Variants in FAM107B observed in about 807,000 individuals in gnomAD.
The protein encoded by FAM107B is protein FAM107B.
FAM107B carries 21 observed loss-of-function variants against 31.5 expected under a neutral mutation model. That is an observed-to-expected ratio of 0.67 (90% CI 0.47 to 0.96). FAM107B has a LOEUF of 0.96. Among genes scored for constraint, FAM107B ranks in the 40% least tolerant of loss-of-function variants. The pLI is 0.00. For synonymous variants in FAM107B, 157 were observed against 141.5 expected (o/e 1.11, Z -0.78); for missense variants, 452 against 377.1 (o/e 1.20, Z -1.64).
intron 2 of FAM107B, among the ~76,000 whole-genome samples, chr10:14,564,154 C>T (rs1381764806): frequency 6.6e-6 from 1 of 151,864 alleles, no homozygotes; most frequent in Non-Finnish European, 1.5e-5. Context: ...TTTTTTAAAA[C>T]AGTGTAAAGG....
In FAM107B at chr10:14,543,350, G is replaced by A. The variant is rs542658666; in HGVS notation, c.470-12835C>T. On this transcript the variant is annotated intron_variant, in intron 2 of 4. Transcript: ENST00000181796. Reference sequence around the variant, plus strand: ...TACGTAAATTCTAAAAAACATGACTGGCACAGAAGTGAGCAGCTCTTCATC... The same window carrying A: ...TACGTAAATTCTAAAAAACATGACTAGCACAGAAGTGAGCAGCTCTTCATC... Among the ~76,000 whole-genome samples, 4 of 152,268 alleles carry A rather than the reference G, an allele frequency of 2.6e-5. No homozygotes were observed. The South Asian group carries it at 6.2e-4, about 24-fold the overall frequency.
intron 1 of FAM107B, among the ~76,000 whole-genome samples, chr10:14,693,120 T>C (rs1481339477): frequency 6.6e-6 from 1 of 152,244 alleles, no homozygotes; most frequent in Non-Finnish European, 1.5e-5. Context: ...TCAAGTGGAA[T>C]TCTAACTTTC....
intron 1 of FAM107B, among the ~76,000 whole-genome samples, chr10:14,711,657 C>T (rs2768694): frequency 0.69 from 104,846 of 152,016 alleles, 36,520 homozygotes; most frequent in African/African-American, 0.8. Context: ...TAGTTTTTAT[C>T]TTTTGAGACA....
chr10:14,587,997 T>C (rs1315222647), intron 2 of FAM107B, among the ~76,000 whole-genome samples: 1 of 152,126 alleles, frequency 6.6e-6, no homozygotes, highest in Non-Finnish European at 1.5e-5. Flanking sequence ...GGATGTATAT[T>C]TAAAAAAGAC....
intron 1 of FAM107B, among the ~76,000 whole-genome samples, chr10:14,718,281 T>G (rs962767510): frequency 1.3e-5 from 2 of 151,254 alleles, no homozygotes; most frequent in Non-Finnish European, 2.9e-5. Flanking sequence ...GAGCCAAGAT[T>G]GCACCACTGC....
Position 14,725,991 on chromosome 10 carries a change from A to G in FAM107B, c.411+48262T>C, listed in dbSNP as rs561786322. On this transcript the variant is annotated intron_variant, in intron 1 of 4. Coordinates refer to ENST00000181796, the MANE Select transcript of FAM107B (RefSeq NM_031453.4). ...CAGGCATGCAGCATCACACCCGGCT[A>G]ATTTTTTTTTTTCCTTTTTGAGACG... Among the ~76,000 whole-genome samples, 38 of 140,328 alleles carry G rather than the reference A, an allele frequency of 2.7e-4. No homozygotes were observed. The South Asian group carries it at 8.0e-3, about 29-fold the overall frequency. The allele number at this position is 140,328 out of a possible 152,430, so 92.1% of individuals were successfully genotyped here.
chr10:14,566,407 G>A lies in FAM107B; in HGVS notation c.470-35892C>T, dbSNP rs114357006. Among the ~76,000 whole-genome samples the A allele has an allele frequency of 8.2e-3, 1,244 of 152,236 alleles. 17 individuals carry two copies. The highest frequency in any genetic ancestry group is 0.028 in the African/African-American group (1,178 of 41,540). ...GCTGAAAGGAAGTAAGGACCTGTGC[G>A]GCATGGAACTGCAGGCGACCCACGT... On this transcript the variant is annotated intron_variant, in intron 2 of 4. Transcript: ENST00000181796.
intron 1 of FAM107B, among the ~76,000 whole-genome samples, chr10:14,682,291 G>A (rs1018557684): frequency 3.9e-5 from 6 of 152,214 alleles, no homozygotes; most frequent in African/African-American, 1.4e-4. Flanking sequence ...AACTTTGGGA[G>A]GCCGAGGTGG....
rs541242196 is a variant in FAM107B at position 14,551,895 on chromosome 10, GC to G, written c.470-21381del. Among the ~76,000 whole-genome samples, 98 of 152,132 alleles carry G rather than the reference GC, an allele frequency of 6.4e-4. 1 individual carries two copies. Among genetic ancestry groups the G allele is most frequent in the African/African-American group, 2.2e-3 (91 of 41,486 alleles). ...AAAAGGCTTCAGAACCTTCTTGGTG[GC>G]CTGTGACACTAGCTTTTCATATTTC... On this transcript the variant is annotated intron_variant, in intron 2 of 4. Transcript: ENST00000181796.
intron 2 of FAM107B, among the ~76,000 whole-genome samples, chr10:14,653,055 C>T (rs1853942480): frequency 6.6e-6 from 1 of 152,166 alleles, no homozygotes; most frequent in Non-Finnish European, 1.5e-5. Context: ...GAACACAAAA[C>T]CAAGAAGGCA....
chr10:14,704,771 C>A (rs573464665), intron 1 of FAM107B, among the ~76,000 whole-genome samples: 1 of 152,118 alleles, frequency 6.6e-6, no homozygotes. Context: ...TGCCTGTAAT[C>A]CCAGCATTTT....
chr10:14,743,137 T>G (rs1832655100), intron 1 of FAM107B, among the ~76,000 whole-genome samples: 1 of 152,252 alleles, frequency 6.6e-6, no homozygotes, highest in Admixed American at 6.5e-5. Flanking sequence ...TGAGCTTTTT[T>G]TCATATGTTT....
intron 2 of FAM107B, chr10:14,556,482 C>A (rs111566215): frequency 2.2e-5 from 20 of 922,220 alleles, no homozygotes; most frequent in African/African-American, 2.0e-4. Context: ...ATTTGTCAAG[C>A]CCCGACCTAA....
At chr10:14,671,316 G>C (rs11818373) in intron 1 of FAM107B, among the ~76,000 whole-genome samples, 5,120 of 152,258 alleles carry the variant, frequency 0.034, 273 homozygotes, top group African/African-American at 0.12. Flanking sequence ...ATTTGAAAAG[G>C]CTCGCCAACA....
chr10:14,756,075 G>A (rs1239686827), intron 1 of FAM107B, among the ~76,000 whole-genome samples: 1 of 152,118 alleles, frequency 6.6e-6, no homozygotes, highest in South Asian at 2.1e-4. Context: ...CCTAGAGCAG[G>A]CCCTGGCACA....
At chr10:14,552,241 T>C (rs1484841598) in intron 2 of FAM107B, among the ~76,000 whole-genome samples, 7 of 152,094 alleles carry the variant, frequency 4.6e-5, no homozygotes, top group Non-Finnish European at 8.8e-5. Context: ...TTGCAAAACA[T>C]TGCCACTGTG....
intron 2 of FAM107B, among the ~76,000 whole-genome samples, chr10:14,620,832 C>G (rs1188582325): frequency 2.0e-5 from 3 of 152,268 alleles, no homozygotes; most frequent in Non-Finnish European, 2.9e-5. Context: ...CATAGTATAT[C>G]TCTCCATTTA....
chr10:14,551,181 T>G (rs1849227448), intron 2 of FAM107B, among the ~76,000 whole-genome samples: 1 of 151,398 alleles, frequency 6.6e-6, no homozygotes, highest in Middle Eastern at 3.2e-3. Flanking sequence ...GTTTATAATT[T>G]TGTTTTGTTT....
chr10:14,698,042 T>A (rs72770541), intron 1 of FAM107B, among the ~76,000 whole-genome samples: 3,760 of 152,148 alleles, frequency 0.025, 59 homozygotes, highest in Non-Finnish European at 0.037. Flanking sequence ...CAAGGATCGA[T>A]TGAACCCAGG....
Sources: allele counts gnomAD v4.1 joint callset (sites outside exome capture counted in the v4.1 genomes callset), GRCh38; gene constraint gnomAD v4.1.1; transcripts MANE v1.5; gene names NCBI Gene and HGNC (gene_info 2026-07-23, HGNC 2026-07-21).